SLC8A1: variants seen among roughly 807,000 people sequenced by gnomAD.
SLC8A1 encodes the protein solute carrier family 8 member A1, also known as sodium/calcium exchanger 1.
A neutral mutation model predicts 68.3 loss-of-function variants in SLC8A1; 18 were observed. The observed-to-expected ratio is 0.26, with a 90% CI of 0.18 to 0.39. The LOEUF (loss-of-function observed/expected upper bound fraction) is 0.39, where lower values mean the gene tolerates loss of function less well. Ranked by LOEUF, SLC8A1 falls within the 10% of genes least tolerant of loss-of-function variation. SLC8A1 has a pLI of 1.00. For missense variants in SLC8A1, 985 were observed against 1,156.7 expected (o/e 0.85, Z 2.15); for synonymous variants, 475 against 415.5 (o/e 1.14, Z -1.74).
At chr2:40,430,228 T>A in exon 2 of SLC8A1, 1 of 1,613,480 alleles carries the variant, frequency 6.2e-7, no homozygotes, top group Non-Finnish European at 8.5e-7. Flanking sequence ...AACTAACAGA[T>A]GAAATCCCAT....
chr2:40,337,669 A>G (rs7597415), intron 2 of SLC8A1, among the ~76,000 whole-genome samples: 3,830 of 152,036 alleles, frequency 0.025, 159 homozygotes, highest in African/African-American at 0.088. Context: ...TTTCCATTCC[A>G]TTTATTTTCT....
At chr2:40,196,453 G>A (rs1159136530) in intron 2 of SLC8A1, among the ~76,000 whole-genome samples, 1 of 152,012 alleles carries the variant, frequency 6.6e-6, no homozygotes, top group Admixed American at 6.6e-5. Context: ...TATTAGACCA[G>A]TGGGTCCTGA....
chr2:40,311,957 G>A lies in SLC8A1; in HGVS notation c.1808+116516C>T, dbSNP rs2073764821. Reference sequence around the variant, plus strand: ...GAGGCACTTGTGAAAGGAAACAAATGTTTGGGGACTTGACCTACTCCCCTT... The same window carrying A: ...GAGGCACTTGTGAAAGGAAACAAATATTTGGGGACTTGACCTACTCCCCTT... On this transcript the variant is annotated intron_variant, in intron 2 of 7. Coordinates refer to ENST00000406785, the Ensembl canonical transcript of SLC8A1. Among the ~76,000 whole-genome samples the A allele has an allele frequency of 6.6e-5, 10 of 152,046 alleles. No homozygotes were observed. The South Asian group carries it at 2.1e-3, about 32-fold the overall frequency.
At chr2:40,428,928 T>G (rs776932683) in exon 2 of SLC8A1, 4 of 1,613,776 alleles carry the variant, frequency 2.5e-6, no homozygotes, top group Non-Finnish European at 3.4e-6. Flanking sequence ...ACCCAGCATT[T>G]GCTGTGCCAT....
chr2:40,236,664 G>C (rs2060417351), intron 2 of SLC8A1, among the ~76,000 whole-genome samples: 1 of 151,962 alleles, frequency 6.6e-6, no homozygotes, highest in Non-Finnish European at 1.5e-5. Flanking sequence ...TGGTTATTTT[G>C]CTCGTTAGTT....
intron 2 of SLC8A1, among the ~76,000 whole-genome samples, chr2:40,331,433 T>C (rs13005619): frequency 0.12 from 18,281 of 152,072 alleles, 1,293 homozygotes; most frequent in East Asian, 0.19. Flanking sequence ...CTTTAATGTA[T>C]ATGCAACCCT....
Position 40,174,856 on chromosome 2 carries a change from AAAC to A in SLC8A1, c.1913-17_1913-15del, listed in dbSNP as rs764979446. 1.9e-5 allele frequency: 30 copies of A among 1,606,192 alleles called. No homozygotes were observed. Among genetic ancestry groups the A allele is most frequent in the East Asian group, 4.5e-5 (2 of 44,806 alleles). On this transcript the variant is annotated splice_polypyrimidine_tract_variant and intron_variant, in intron 3 of 7. Coordinates refer to ENST00000406785, the Ensembl canonical transcript of SLC8A1. ...TTGTGAAGCCACCTAAAAAAGAAAAAAACAACAACAAATGTTATAATTTGACAC... is the reference window on the plus strand; with the variant it reads ...TTGTGAAGCCACCTAAAAAAGAAAAAAACAACAAATGTTATAATTTGACAC...
chr2:40,458,928 C>A (rs1703180217), intron 1 of SLC8A1, among the ~76,000 whole-genome samples: 1 of 152,098 alleles, frequency 6.6e-6, no homozygotes, highest in Admixed American at 6.5e-5. Context: ...CATCAAGCAA[C>A]TCTTATTAAA....
intron 2 of SLC8A1, among the ~76,000 whole-genome samples, chr2:40,277,396 C>T (rs2066859207): frequency 6.6e-6 from 1 of 152,074 alleles, no homozygotes; most frequent in South Asian, 2.1e-4. Context: ...AAAAATTAGC[C>T]AGGCGTGGTG....
intron 2 of SLC8A1, among the ~76,000 whole-genome samples, chr2:40,259,113 A>G (rs1200675064): frequency 1.3e-5 from 2 of 152,282 alleles, no homozygotes; most frequent in East Asian, 1.9e-4. Flanking sequence ...GGCAGTCTCC[A>G]ACGTAGATTT....
intron 2 of SLC8A1, among the ~76,000 whole-genome samples, chr2:40,229,088 C>A (rs957788361): frequency 6.6e-6 from 1 of 151,984 alleles, no homozygotes; most frequent in African/African-American, 2.4e-5. Context: ...AATCTAATAA[C>A]CATAACCATA....
chr2:40,259,869 A>C (rs1023031766), intron 2 of SLC8A1, among the ~76,000 whole-genome samples: 1 of 152,184 alleles, frequency 6.6e-6, no homozygotes, highest in African/African-American at 2.4e-5. Flanking sequence ...TAGTTTCTGC[A>C]TAAGACCCTC....
intron 7 of SLC8A1, among the ~76,000 whole-genome samples, chr2:40,126,971 G>A (rs1463111988): frequency 6.6e-6 from 1 of 152,124 alleles, no homozygotes; most frequent in Non-Finnish European, 1.5e-5. Context: ...GAAAGCCTAT[G>A]CTTTGCCACT....
intron 2 of SLC8A1, among the ~76,000 whole-genome samples, chr2:40,387,578 A>G (rs761729947): frequency 2.6e-5 from 4 of 151,456 alleles, no homozygotes; most frequent in Non-Finnish European, 4.4e-5. Context: ...CGTTATAGCT[A>G]TATTTTCATA....
chr2:40,111,712 C>A (rs947546113), exon 8 of SLC8A1: 5 of 152,076 alleles, frequency 3.3e-5, no homozygotes, highest in East Asian at 1.9e-4. Flanking sequence ...AGACAGAAAT[C>A]GTTAATGCGA....
chr2:40,434,921 A>C (rs1699098223), intron 1 of SLC8A1, among the ~76,000 whole-genome samples: 1 of 152,142 alleles, frequency 6.6e-6, no homozygotes, highest in Non-Finnish European at 1.5e-5. Context: ...GATAGATCCA[A>C]CTGCTTTGTA....
chr2:40,408,963 C>T (rs1461739846), intron 2 of SLC8A1, among the ~76,000 whole-genome samples: 1 of 151,928 alleles, frequency 6.6e-6, no homozygotes, highest in African/African-American at 2.4e-5. Flanking sequence ...TTCTCGGTAA[C>T]TGTAACTACA....
At chr2:40,493,219 A>T (rs1354559290) in intron 1 of SLC8A1, among the ~76,000 whole-genome samples, 4 of 152,018 alleles carry the variant, frequency 2.6e-5, no homozygotes, top group African/African-American at 4.8e-5. Flanking sequence ...ATTGGAAATC[A>T]TCATTCTCAG....
intron 2 of SLC8A1, among the ~76,000 whole-genome samples, chr2:40,287,803 G>A (rs75385165): frequency 0.036 from 5,479 of 151,986 alleles, 145 homozygotes; most frequent in Non-Finnish European, 0.051. Context: ...GAGAGGAAGC[G>A]TGGGAACTGA....
Sources: gnomAD v4.1 joint callset for allele counts (sites outside exome capture counted in the v4.1 genomes callset) on GRCh38, gnomAD v4.1.1 for gene constraint, MANE v1.5 for transcripts, NCBI Gene and HGNC (gene_info 2026-07-23, HGNC 2026-07-21) for gene names.